Variants in SEPTIN4 observed in about 807,000 individuals in gnomAD.
SEPTIN4 encodes septin 4, also known as septin-4.
A neutral mutation model predicts 107.1 loss-of-function variants in SEPTIN4; 52 were observed. The observed-to-expected ratio is 0.49, with a 90% CI of 0.39 to 0.61. SEPTIN4 has a LOEUF of 0.61. Among genes scored for constraint, SEPTIN4 ranks in the 20% least tolerant of loss-of-function variants. SEPTIN4 has a pLI of 0.00. For missense variants in SEPTIN4, 1,048 were observed against 1,243.5 expected (o/e 0.84, Z 2.36); for synonymous variants, 417 against 467.0 (o/e 0.89, Z 1.38).
chr17:58,526,824 T>C lies in SEPTIN4; in HGVS notation c.1769A>G (p.Tyr590Cys), dbSNP rs202073845. The change falls in exon 4 of 14, where the codon TAT (tyrosine) becomes TGT (cysteine). Residue 590 changes from tyrosine to cysteine, a missense_variant. Tyr to Cys is a radical substitution (Grantham distance 194). Around this residue, in one of 2 missense-constraint regions of SEPTIN4, gnomAD observed 787 missense variants for 871.8 expected, o/e 0.90. Coordinates refer to ENST00000672673, the MANE Select transcript of SEPTIN4 (RefSeq NM_001368771.2). ...GGGTCTGAACTCCAGGTCATCATCA[T>C]AGAGGTCCGGGGCCTGGGGCCTTGG... ...PEPRPQAPDLYDDDLEFRPPS... is the reference protein window; with the variant it reads ...PEPRPQAPDLCDDDLEFRPPS... 780 of 1,613,774 alleles carry C rather than the reference T, an allele frequency of 4.8e-4. No homozygotes were observed. The highest frequency in any genetic ancestry group is 7.5e-4 in the Admixed American group (45 of 59,988).
chr17:58,525,884 A>C, intron 5 of SEPTIN4, 103 bp from the exon 6 acceptor site: 1 of 1,048,992 alleles, frequency 9.5e-7, no homozygotes, highest in Non-Finnish European at 1.4e-6. Flanking sequence ...TTCTTATCTA[A>C]TTGGAACTAG....
Position 58,542,550 on chromosome 17 carries a change from T to A in SEPTIN4, c.1561+76A>T, listed in dbSNP as rs904546389. 2.6e-6 allele frequency: 4 copies of A among 1,516,058 alleles called. No homozygotes were observed. In the African/African-American group the frequency reaches 5.6e-5, roughly 21 times the overall value. 93.9% of individuals were successfully genotyped at this position (1,516,058 alleles called of 1,614,324 possible). ...AGCCCTTAGGCCCAGAATGAAGAGG[T>A]GGTCTTTCCTGCCCACCCCAACATC... On this transcript the variant is annotated intron_variant, in intron 1 of 13. Transcript: ENST00000672673.
At chr17:58,525,668 T>G in intron 6 of SEPTIN4, 27 bp downstream of exon 6, 1 of 1,598,632 alleles carries the variant, frequency 6.3e-7, no homozygotes, top group Non-Finnish European at 8.6e-7. Flanking sequence ...AAGGCAAGTC[T>G]GCCTGATTGT....
rs1598281438 is a variant in SEPTIN4, at chr17:58,526,489, A to G, written c.1912-176T>C. The G allele has an allele frequency of 2.2e-6, 3 of 1,391,668 alleles. No individual in the cohort carries two copies. In the East Asian group the frequency reaches 8.3e-5, roughly 38 times the overall value. The allele number at this position is 1,391,668 out of a possible 1,614,324, so 86.2% of individuals were successfully genotyped here. A position where few individuals can be genotyped will look rare whatever the true frequency, so the allele number is the denominator to read the frequency against. ...GGCCTCCTGCCCTTGCTGAAACTGC[A>G]AATTTCCAGTGCCCTTGGGGGCAGA... On this transcript the variant is annotated intron_variant, in intron 4 of 13. Transcript: ENST00000672673.
intron 3 of SEPTIN4, chr17:58,527,248 T>C (rs2043016296): frequency 7.5e-6 from 5 of 667,642 alleles, no homozygotes; most frequent in East Asian, 2.9e-5. Context: ...CAACTGCTCT[T>C]GGGAACTAAG....
Position 58,526,691 on chromosome 17 carries a change from A to C in SEPTIN4, c.1902T>G (p.Asp634Glu). 1 of 1,572,906 alleles carries C rather than the reference A, an allele frequency of 6.4e-7. No homozygotes were observed. Among genetic ancestry groups the C allele is most frequent in the Non-Finnish European group, 8.6e-7 (1 of 1,163,812 alleles). Residue 634 changes from aspartate to glutamate, a missense_variant, in exon 4 of 14, where the codon GAT (aspartate) becomes GAG (glutamate). Asp to Glu is a conservative substitution (Grantham distance 45, BLOSUM62 2). Transcript: ENST00000672673. ...GGGCTGGAGGCTCTACCTCAGAGGA[A>C]TCATAGGGATCAAGCTTGCCCCATG... ...RSPWGKLDPY[D>E]SSEDDKEYVG...
rs776862904 is a variant in SEPTIN4 at position 58,543,871 on chromosome 17, T to C, written c.316A>G (p.Ser106Gly). The C allele has an allele frequency of 2.5e-6, 4 of 1,614,138 alleles. No homozygotes were observed. The highest frequency in any genetic ancestry group is 2.2e-5 in the South Asian group (2 of 91,068). ...GAAGCCAGTGTCTGAGTCTTCTGGC[T>C]CTTTAGATGGGGAGAGGAATGGCGG... ...SSRHSSPHLK[S>G]QKTQTLASHA... The change falls in exon 1 of 14, where the codon AGC becomes GGC. Residue 106 changes from serine (S) to glycine (G), a missense_variant. By Grantham distance (56) the Ser-to-Gly change is moderately conservative. Coordinates refer to ENST00000672673, the MANE Select transcript of SEPTIN4 (RefSeq NM_001368771.2).
intron 3 of SEPTIN4, among the ~76,000 whole-genome samples, chr17:58,540,404 C>T (rs2043845525): frequency 6.6e-6 from 1 of 152,240 alleles, no homozygotes; most frequent in Admixed American, 6.5e-5. Flanking sequence ...CTGCAACTAG[C>T]TCATACAGTG....
At position 58,520,760 on chromosome 17, in the gene SEPTIN4, G is replaced by A. The variant is rs765876993; in HGVS notation, c.2914C>T (p.Arg972Ter). ...GTDPETEKLI[R>*]EKDEELRRMQ... is the part of the protein sequence containing the mutation. Reference sequence around the variant, plus strand: ...GCTCTCACCTCCTCATCTTTCTCTCGGATAAGCTTCTCAGTTTCTGGATCT... The same window carrying A: ...GCTCTCACCTCCTCATCTTTCTCTCAGATAAGCTTCTCAGTTTCTGGATCT... The change falls in exon 13 of 14, where the codon CGA becomes TGA. Residue 972 changes from arginine (R) to a stop codon, truncating the protein, a stop_gained. Coordinates refer to ENST00000672673, the MANE Select transcript of SEPTIN4 (RefSeq NM_001368771.2). LOFTEE classifies it high-confidence loss of function. 2.5e-5 allele frequency: 40 copies of A among 1,614,032 alleles called. No homozygotes were observed. The highest frequency in any genetic ancestry group is 3.2e-5 in the Non-Finnish European group (38 of 1,180,020).
Position 58,521,052 on chromosome 17 carries a change from C to T in SEPTIN4, c.2777G>A (p.Arg926Gln), listed in dbSNP as rs2042212669. 1.2e-6 allele frequency: 2 copies of T among 1,614,144 alleles called. No individual in the cohort carries two copies. Among genetic ancestry groups the T allele is most frequent in the Non-Finnish European group, 1.7e-6 (2 of 1,180,030 alleles). ...VTRETHYENY[R>Q]AQCIQSMTRL... ...GGTCATGCTCTGGATGCACTGTGCC[C>T]GGTAGTTCTCATAATGTGTCTCCCG... Residue 926 changes from arginine to glutamine, a missense_variant, in exon 12 of 14, where the codon CGG becomes CAG. Around this residue, in one of 2 missense-constraint regions of SEPTIN4, gnomAD observed 261 missense variants for 371.7 expected, o/e 0.70. Transcript: ENST00000672673. The surrounding 1 kb of genome is among the most constrained non-coding windows in gnomAD (Gnocchi z 6.4).
intron 3 of SEPTIN4, 34 bp from the exon 4 acceptor site, chr17:58,527,012 G>A (rs2042984283): frequency 6.2e-7 from 1 of 1,613,718 alleles, no homozygotes; most frequent in East Asian, 2.2e-5. Flanking sequence ...ATAGATGGGT[G>A]GTGCCGGGAA....
At position 58,521,152 on chromosome 17, in the gene SEPTIN4, G is replaced by A. The variant is rs1283051520; in HGVS notation, c.2677C>T (p.Pro893Ser). 5 of 1,614,188 alleles carry A rather than the reference G, an allele frequency of 3.1e-6. No individual in the cohort carries two copies. The highest frequency in any genetic ancestry group is 3.4e-6 in the Non-Finnish European group (4 of 1,180,034). ...YPWGIVEVEN[P>S]GHCDFVKLRT... The stretch of plus-strand genomic sequence containing the variant: ...AGCTTCACAAAGTCGCAGTGCCCTG[G>A]GTTTTCCACTGCATAGCAAGGCTAG... Residue 893 changes from proline (P) to serine (S), a missense_variant, in exon 12 of 14, where the codon CCA (proline) becomes TCA (serine). Coordinates refer to ENST00000672673, the MANE Select transcript of SEPTIN4 (RefSeq NM_001368771.2). This position sits in a 1 kb window ranked among gnomAD's most constrained non-coding sequence, Gnocchi z 6.4.
chr17:58,520,455 T>C lies in SEPTIN4; in HGVS notation c.2962A>G (p.Ile988Val), dbSNP rs543113973. 4 of 1,613,510 alleles carry C rather than the reference T, an allele frequency of 2.5e-6. No homozygotes were observed. The African/African-American group carries it at 4.0e-5, about 16-fold the overall frequency. The stretch of plus-strand genomic sequence containing the variant: ...TAGTTCTCCTTCATCTGTTTTTGTA[T>C]TTTGTGTAGCATCTCCTGCATCCGC... ...LRRMQEMLHK[I>V]QKQMKENY The change falls in exon 14 of 14, where the codon ATA (isoleucine) becomes GTA (valine). Residue 988 changes from isoleucine to valine, a missense_variant. By Grantham distance (29) the Ile-to-Val change is conservative (BLOSUM62 3). This residue lies in a region of SEPTIN4 where 261 missense variants were observed against 371.7 expected (regional missense o/e 0.70). Transcript: ENST00000672673.
At position 58,538,975 on chromosome 17, in the gene SEPTIN4, C is replaced by CA. The variant is rs746755048; in HGVS notation, c.1614+1690dup. ...TCAACCATTCCCAGATCAGAGGAAT[C>CA]AGAGGCCTTGGACACCAGCACCACA... On this transcript the variant is annotated intron_variant, in intron 3 of 13. Transcript: ENST00000672673. The surrounding 1 kb of genome is among the most constrained non-coding windows in gnomAD (Gnocchi z 4.7). 1 of 514,042 alleles carries CA rather than the reference C, an allele frequency of 1.9e-6. No individual in the cohort carries two copies. Among genetic ancestry groups the CA allele is most frequent in the Non-Finnish European group, 3.4e-6 (1 of 292,310 alleles). 31.8% of individuals were successfully genotyped at this position (514,042 alleles called of 1,614,324 possible). A position where few individuals can be genotyped will look rare whatever the true frequency, so the allele number is the denominator to read the frequency against.
intron 4 of SEPTIN4, 35 bp from the exon 5 acceptor site, chr17:58,526,348 G>T: frequency 6.7e-7 from 1 of 1,482,988 alleles, no homozygotes; most frequent in Non-Finnish European, 9.0e-7. Context: ...ATCACGGTGA[G>T]GAGCCAAAGG....
chr17:58,521,959 G>T lies in SEPTIN4; in HGVS notation c.2351+8C>A, dbSNP rs773611108. The T allele has an allele frequency of 2.3e-5, 37 of 1,614,102 alleles. No individual in the cohort carries two copies. Among genetic ancestry groups the T allele is most frequent in the Middle Eastern group, 3.3e-4 (2 of 6,084 alleles). ...GGTGGTGCCAGGAGCCTCAGGCTTG[G>T]ACCATACCCATGGCCGAAGGGTGAG... is the stretch of plus-strand genomic sequence containing the variant. On this transcript the variant is annotated splice_region_variant and intron_variant, in intron 8 of 13. Coordinates refer to ENST00000672673, the MANE Select transcript of SEPTIN4 (RefSeq NM_001368771.2). This position sits in a 1 kb window ranked among gnomAD's most constrained non-coding sequence, Gnocchi z 6.4.
intron 3 of SEPTIN4, among the ~76,000 whole-genome samples, chr17:58,532,512 C>A (rs1260366424): frequency 6.6e-6 from 1 of 152,176 alleles, no homozygotes; most frequent in African/African-American, 2.4e-5. Flanking sequence ...CACTACACCT[C>A]CTAAAGGGGA....
chr17:58,543,227 G>A lies in SEPTIN4; in HGVS notation c.960C>T (p.Asn320=), dbSNP rs747162607. 8.1e-6 allele frequency: 13 copies of A among 1,614,130 alleles called. No individual in the cohort carries two copies. The highest frequency in any genetic ancestry group is 6.7e-5 in the Admixed American group (4 of 60,028). The change falls in exon 1 of 14, where the codon AAC becomes AAT. Residue 320 remains asparagine (N), a synonymous_variant. Transcript: ENST00000672673. ...KVLVSSQVES[N]VRTPIRGNSE... ...TGTTTCCTCGGATTGGGGTCCTCAC[G>A]TTGGACTCCACCTGTGATGATACTA...
Position 58,521,329 on chromosome 17 carries a change from T to A in SEPTIN4, c.2593A>T (p.Ile865Phe), listed in dbSNP as rs1421195049. 6.8e-6 allele frequency: 11 copies of A among 1,614,038 alleles called. No individual in the cohort carries two copies. The highest frequency in any genetic ancestry group is 8.5e-6 in the Non-Finnish European group (10 of 1,180,028). The change falls in exon 11 of 14, where the codon ATT becomes TTT. Residue 865 changes from isoleucine (I) to phenylalanine (F), a missense_variant. Coordinates refer to ENST00000672673, the MANE Select transcript of SEPTIN4 (RefSeq NM_001368771.2). This position sits in a 1 kb window ranked among gnomAD's most constrained non-coding sequence, Gnocchi z 6.4. ...ALKESIPFAVIGSNTVVEARG... is the reference protein window; with the variant it reads ...ALKESIPFAVFGSNTVVEARG... ...GCCTCTACTACAGTGTTGCTGCCAA[T>A]TACTGCAAATGGGATGCTTTCCTGG...
Sources: allele counts gnomAD v4.1 joint callset (sites outside exome capture counted in the v4.1 genomes callset), GRCh38; gene constraint gnomAD v4.1.1; regional missense constraint gnomAD v4.1.1; non-coding constraint Gnocchi (gnomAD v3.1); transcripts MANE v1.5; gene names NCBI Gene and HGNC (gene_info 2026-07-23, HGNC 2026-07-21).